The following RHOQ variants were observed in gnomAD, a reference collection of about 807,000 sequenced individuals.
The protein encoded by RHOQ is rho-related GTP-binding protein RhoQ.
A neutral mutation model predicts 25.8 loss-of-function variants in RHOQ; 7 were observed. The observed-to-expected ratio is 0.27, with a 90% CI of 0.15 to 0.51. The LOEUF (loss-of-function observed/expected upper bound fraction) is 0.51. Among genes scored for constraint, RHOQ ranks in the 20% least tolerant of loss-of-function variants. The pLI is 0.97. For missense variants in RHOQ, 165 were observed against 260.6 expected (o/e 0.63, Z 2.53); for synonymous variants, 97 against 98.6 (o/e 0.98, Z 0.10).
At chr2:46,570,739 A>G (rs1336367851) in intron 2 of RHOQ, among the ~76,000 whole-genome samples, 1 of 152,172 alleles carries the variant, frequency 6.6e-6, no homozygotes, top group Non-Finnish European at 1.5e-5. Context: ...CAAAGCCACC[A>G]CTTTTCAGGG....
At chr2:46,546,486 A>ATCCG (rs1558680472) in intron 2 of RHOQ, among the ~76,000 whole-genome samples, 3 of 21,656 alleles carry the variant, frequency 1.4e-4, no homozygotes, top group African/African-American at 5.0e-4. Flanking sequence ...GTATATATAT[A>ATCCG]TATATATATA....
At chr2:46,546,416 TTA>T (rs376983227) in intron 2 of RHOQ, among the ~76,000 whole-genome samples, 107 of 129,870 alleles carry the variant, frequency 8.2e-4, no homozygotes, top group East Asian at 7.1e-3. Context: ...CATTAAGGGT[TTA>T]TATATATATA....
Position 46,583,036 on chromosome 2 carries a change from A to C in RHOQ, c.*1953A>C, listed in dbSNP as rs1177931982. On this transcript the variant is annotated 3_prime_UTR_variant, in exon 5 of 5. Transcript: ENST00000238738. ...TTTAGATAAAATTGAAAGGAATTGT[A>C]TAAATCAATTAACATATTAGCTGAG... 1 of 152,204 alleles carries C rather than the reference A, an allele frequency of 6.6e-6. No homozygotes were observed. Among genetic ancestry groups the C allele is most frequent in the Non-Finnish European group, 1.5e-5 (1 of 68,006 alleles). 9.4% of individuals were successfully genotyped at this position (152,204 alleles called of 1,614,324 possible).
At chr2:46,550,357 G>T (rs1388336359) in intron 2 of RHOQ, among the ~76,000 whole-genome samples, 2 of 152,338 alleles carry the variant, frequency 1.3e-5, no homozygotes, top group Non-Finnish European at 2.9e-5. Context: ...CCCTTTTCCA[G>T]GAAAGCTTCA....
Position 46,548,257 on chromosome 2 carries a change from G to A in RHOQ, c.201+4445G>A, listed in dbSNP as rs1668134860. Among the ~76,000 whole-genome samples, 1 of 152,226 alleles carries A rather than the reference G, an allele frequency of 6.6e-6. No homozygotes were observed. Among genetic ancestry groups the A allele is most frequent in the African/African-American group, 2.4e-5 (1 of 41,458 alleles). On this transcript the variant is annotated intron_variant, in intron 2 of 4. Transcript: ENST00000238738. The surrounding 1 kb of genome is among the most constrained non-coding windows in gnomAD (Gnocchi z 5.2). ...TTACACTTGATATAACCCAGCAGCTGTGGCTGCCCTGCATGCCCTCTGGGT... is the reference window on the plus strand; with the variant it reads ...TTACACTTGATATAACCCAGCAGCTATGGCTGCCCTGCATGCCCTCTGGGT...
chr2:46,582,272 G>A lies in RHOQ; in HGVS notation c.*1189G>A, dbSNP rs1172106798. On this transcript the variant is annotated 3_prime_UTR_variant, in exon 5 of 5. Transcript: ENST00000238738. ...CAAGCAGTTGGTCCCTAAGTGAAAGGCTCTGCTTGAAAAAAAAAAGAAAAA... is the reference window on the plus strand; with the variant it reads ...CAAGCAGTTGGTCCCTAAGTGAAAGACTCTGCTTGAAAAAAAAAAGAAAAA... The A allele has an allele frequency of 6.7e-6, 1 of 149,298 alleles. No individual in the cohort carries two copies. Among genetic ancestry groups the A allele is most frequent in the Non-Finnish European group, 1.5e-5 (1 of 67,352 alleles). 9.2% of individuals were successfully genotyped at this position (149,298 alleles called of 1,614,324 possible). A position where few individuals can be genotyped will look rare whatever the true frequency, so the allele number is the denominator to read the frequency against.
chr2:46,570,008 C>T (rs1018105737), intron 2 of RHOQ, among the ~76,000 whole-genome samples: 11 of 152,186 alleles, frequency 7.2e-5, no homozygotes, highest in African/African-American at 2.4e-4. Flanking sequence ...ACCAAACTTA[C>T]CAAAGTGTTT....
At chr2:46,565,899 TGTG>T (rs1376424481) in intron 2 of RHOQ, among the ~76,000 whole-genome samples, 2 of 152,146 alleles carry the variant, frequency 1.3e-5, no homozygotes, top group African/African-American at 2.4e-5. Flanking sequence ...AGGAGAAGCT[TGTG>T]GTGCCACAGA....
At chr2:46,543,845 T>G (rs1486669178) in intron 2 of RHOQ, 33 bp downstream of exon 2, 17 of 1,596,212 alleles carry the variant, frequency 1.1e-5, no homozygotes, top group Non-Finnish European at 1.5e-5. Context: ...GACGCCCCCC[T>G]CCTGTTCCCC....
chr2:46,543,119 C>G lies in RHOQ; in HGVS notation c.73C>G (p.Leu25Val). 1.9e-6 allele frequency: 3 copies of G among 1,611,136 alleles called. No homozygotes were observed. Among genetic ancestry groups the G allele is most frequent in the Non-Finnish European group, 1.7e-6 (2 of 1,178,862 alleles). ...CGACGGGGCGGTGGGCAAGACGTGC[C>G]TACTCATGAGCTATGCCAACGACGC... ...VGDGAVGKTC[L>V]LMSYANDAFP... is the part of the protein sequence containing the mutation. The change falls in exon 1 of 5, where the codon CTA becomes GTA. Residue 25 changes from leucine (L) to valine (V), a missense_variant. Transcript: ENST00000238738.
At position 46,555,871 on chromosome 2, in the gene RHOQ, A is replaced by G. The variant is rs974123951; in HGVS notation, c.201+12059A>G. On this transcript the variant is annotated intron_variant, in intron 2 of 4. Transcript: ENST00000238738. The surrounding 1 kb of genome is among the most constrained non-coding windows in gnomAD (Gnocchi z 4.3). ...ATGCCTCCTGTTGTCTGAACAAGCT[A>G]GTATGGAAGTAGCATCTAGGCAAGC... 2.0e-5 allele frequency among the ~76,000 whole-genome samples: 3 copies of G among 152,218 alleles called. No individual in the cohort carries two copies. The highest frequency in any genetic ancestry group is 7.2e-5 in the African/African-American group (3 of 41,458).
At chr2:46,543,898 T>C (rs1667945377) in intron 2 of RHOQ, 86 bp downstream of exon 2, 1 of 1,173,394 alleles carries the variant, frequency 8.5e-7, no homozygotes, top group Non-Finnish European at 1.2e-6. Context: ...CCGAGGTGTC[T>C]AGGTGGGAGG....
intron 2 of RHOQ, among the ~76,000 whole-genome samples, chr2:46,550,829 G>A (rs550219239): frequency 2.0e-5 from 3 of 152,268 alleles, no homozygotes; most frequent in African/African-American, 7.2e-5. Context: ...GGCTCAGTTC[G>A]GTTGGTGTTG....
In RHOQ at chr2:46,576,148, T is replaced by A. The variant is rs1450922791; in HGVS notation, c.263T>A (p.Phe88Tyr). 4 of 1,613,626 alleles carry A rather than the reference T, an allele frequency of 2.5e-6. No homozygotes were observed. The Admixed American group carries it at 6.7e-5, about 27-fold the overall frequency. The change falls in exon 3 of 5, where the codon TTC becomes TAC. Residue 88 changes from phenylalanine to tyrosine, a missense_variant. Coordinates refer to ENST00000238738, the MANE Select transcript of RHOQ (RefSeq NM_012249.4). This position sits in a 1 kb window ranked among gnomAD's most constrained non-coding sequence, Gnocchi z 5.1. Reference sequence around the variant, plus strand: ...ATGACCGATGTCTTCCTTATATGCTTCTCGGTGGTAAATCCAGCCTCATTT... The same window carrying A: ...ATGACCGATGTCTTCCTTATATGCTACTCGGTGGTAAATCCAGCCTCATTT... ...YPMTDVFLICFSVVNPASFQN... is the reference protein window; with the variant it reads ...YPMTDVFLICYSVVNPASFQN...
chr2:46,572,926 T>A, intron 2 of RHOQ: 1 of 338,994 alleles, frequency 2.9e-6, no homozygotes, highest in South Asian at 2.4e-5. Flanking sequence ...GGATACTATG[T>A]GATGCATATG....
intron 2 of RHOQ, among the ~76,000 whole-genome samples, chr2:46,565,580 A>C (rs1276801100): frequency 6.6e-6 from 1 of 152,228 alleles, no homozygotes; most frequent in African/African-American, 2.4e-5. Flanking sequence ...CGAAAGTGAC[A>C]TCAGCAGCCT....
rs956321344 is a variant in RHOQ, at chr2:46,576,668, C to T, written c.462+12C>T. On this transcript the variant is annotated intron_variant, in intron 4 of 4. Coordinates refer to ENST00000238738, the MANE Select transcript of RHOQ (RefSeq NM_012249.4). The surrounding 1 kb of genome is among the most constrained non-coding windows in gnomAD (Gnocchi z 5.1). ...AACTAGCAAAAGAGGTAATGGAACA[C>T]TCACAGAATTTAAGCATGAATGTAA... 2 of 1,504,870 alleles carry T rather than the reference C, an allele frequency of 1.3e-6. No individual in the cohort carries two copies. The highest frequency in any genetic ancestry group is 1.8e-6 in the Non-Finnish European group (2 of 1,092,864). 93.2% of individuals were successfully genotyped at this position (1,504,870 alleles called of 1,614,324 possible). A position where few individuals can be genotyped will look rare whatever the true frequency, so the allele number is the denominator to read the frequency against.
chr2:46,568,244 T>A (rs1307681603), intron 2 of RHOQ: 3 of 152,208 alleles, frequency 2.0e-5, no homozygotes, highest in Admixed American at 6.5e-5. Context: ...AGAAAGAGAC[T>A]GACAAATCCA....
Position 46,546,486 on chromosome 2 carries a change from ATATATATATATATATATATATATATG to A in RHOQ, c.201+2681_201+2706del, listed in dbSNP as rs1558680477. 7.8e-4 allele frequency among the ~76,000 whole-genome samples: 17 copies of A among 21,660 alleles called. 1 individual carries two copies. In the South Asian group the frequency reaches 0.011, roughly 14 times the overall value. 14.2% of individuals were successfully genotyped at this position (21,660 alleles called of 152,430 possible). ...TATATATATATATGTGTATATATATATATATATATATATATATATATATATGTATATACATATATATATATACACAA... is the reference window on the plus strand; with the variant it reads ...TATATATATATATGTGTATATATATATATATACATATATATATATACACAA... On this transcript the variant is annotated intron_variant, in intron 2 of 4. Coordinates refer to ENST00000238738, the MANE Select transcript of RHOQ (RefSeq NM_012249.4).
Sources: gnomAD v4.1 joint callset for allele counts (sites outside exome capture counted in the v4.1 genomes callset) on GRCh38, gnomAD v4.1.1 for gene constraint, Gnocchi (gnomAD v3.1) non-coding constraint, MANE v1.5 for transcripts, NCBI Gene and HGNC (gene_info 2026-07-23, HGNC 2026-07-21) for gene names.